The following VDAC1 variants were observed in gnomAD, a reference collection of about 807,000 sequenced individuals.
The protein encoded by VDAC1 is voltage dependent anion channel 1.
Under a neutral mutation model 34.7 loss-of-function variants are expected in VDAC1, and 10 were observed. That is an observed-to-expected ratio of 0.29 (90% confidence interval 0.18 to 0.49). VDAC1 has a LOEUF of 0.49. VDAC1 is among the 20% of genes least tolerant of loss of function. The pLI is 0.99. For synonymous variants in VDAC1, 130 were observed against 136.0 expected (o/e 0.96, Z 0.30); for missense variants, 230 against 347.9 (o/e 0.66, Z 2.69).
chr5:134,063,963 G>C, the VDAC1 span, among the ~76,000 whole-genome samples: 1 of 149,280 alleles, frequency 6.7e-6, no homozygotes. Context: ...CTCCCCAGTA[G>C]CTGAGACTAC....
At chr5:134,034,211 T>A in the VDAC1 span, among the ~76,000 whole-genome samples, 2 of 151,990 alleles carry the variant, frequency 1.3e-5, no homozygotes, top group African/African-American at 2.4e-5. Flanking sequence ...ACTCTACACA[T>A]ATATGTTAGT....
At chr5:134,107,150 G>A in the VDAC1 span, among the ~76,000 whole-genome samples, 1 of 152,242 alleles carries the variant, frequency 6.6e-6, no homozygotes, top group South Asian at 2.1e-4. Flanking sequence ...AGAGCCTGCA[G>A]CTGGTCAGAT....
At chr5:133,973,553 G>A (rs1752376301) in intron 8 of VDAC1, among the ~76,000 whole-genome samples, 2 of 152,186 alleles carry the variant, frequency 1.3e-5, no homozygotes, top group African/African-American at 4.8e-5. Flanking sequence ...GAAGAAAATA[G>A]CAAAGAATAT....
intron 5 of VDAC1, among the ~76,000 whole-genome samples, chr5:133,981,540 A>G (rs1368986411): frequency 6.6e-6 from 1 of 152,194 alleles, no homozygotes; most frequent in African/African-American, 2.4e-5. Flanking sequence ...ACTGATGTAG[A>G]ACCTGGAACT....
At chr5:134,097,556 G>A in the VDAC1 span, among the ~76,000 whole-genome samples, 1 of 152,230 alleles carries the variant, frequency 6.6e-6, no homozygotes. Flanking sequence ...CAGGCGTAGG[G>A]GAGCCTCTTC....
the VDAC1 span, among the ~76,000 whole-genome samples, chr5:134,083,470 A>G: frequency 2.6e-5 from 4 of 152,156 alleles, no homozygotes; most frequent in African/African-American, 9.7e-5. Context: ...GATTACAGGC[A>G]TGAGCCACTG....
the VDAC1 span, among the ~76,000 whole-genome samples, chr5:134,089,425 G>A: frequency 3.7e-4 from 57 of 152,332 alleles, no homozygotes; most frequent in Admixed American, 5.9e-4. Flanking sequence ...ATCCAATGTG[G>A]TTCCCATTTG....
chr5:134,067,021 T>C, the VDAC1 span, among the ~76,000 whole-genome samples: 5 of 152,140 alleles, frequency 3.3e-5, no homozygotes, highest in African/African-American at 1.2e-4. Flanking sequence ...GTTTATAATG[T>C]GTTTTCTTTG....
the VDAC1 span, among the ~76,000 whole-genome samples, chr5:134,033,718 T>G: frequency 5.5e-5 from 8 of 145,590 alleles, no homozygotes; most frequent in African/African-American, 2.0e-4. Context: ...ATAGGCCGGG[T>G]GCGATGGCTC....
chr5:134,063,105 T>C, the VDAC1 span, among the ~76,000 whole-genome samples: 1 of 152,238 alleles, frequency 6.6e-6, no homozygotes, highest in Non-Finnish European at 1.5e-5. Context: ...GTTTCAAAGA[T>C]GGTGAACAGA....
At chr5:134,088,756 C>T in the VDAC1 span, among the ~76,000 whole-genome samples, 2 of 152,170 alleles carry the variant, frequency 1.3e-5, 1 homozygote, top group Non-Finnish European at 2.9e-5. Flanking sequence ...TTCCCCCTTG[C>T]TCCTCACTGA....
intron 5 of VDAC1, among the ~76,000 whole-genome samples, chr5:133,988,022 C>G (rs1227232280): frequency 6.6e-6 from 1 of 152,150 alleles, no homozygotes; most frequent in East Asian, 1.9e-4. Context: ...TCAAAAGTGT[C>G]AGAGTCAGAA....
intron 6 of VDAC1, among the ~76,000 whole-genome samples, chr5:133,976,648 G>GAAA (rs540783930): frequency 7.2e-6 from 1 of 138,992 alleles, no homozygotes. Context: ...TCTCTATAAG[G>GAAA]AAAAAAAAAA....
At chr5:134,114,126 T>C in the VDAC1 span, among the ~76,000 whole-genome samples, 2 of 151,756 alleles carry the variant, frequency 1.3e-5, no homozygotes, top group African/African-American at 2.4e-5. Context: ...CGAAGGGGGG[T>C]ATACTTATGT....
chr5:134,084,198 C>A, the VDAC1 span, among the ~76,000 whole-genome samples: 1 of 152,134 alleles, frequency 6.6e-6, no homozygotes, highest in Non-Finnish European at 1.5e-5. Context: ...ATGAGAGGAT[C>A]CCAAGAAAGG....
chr5:134,084,541 A>G, the VDAC1 span, among the ~76,000 whole-genome samples: 1 of 152,210 alleles, frequency 6.6e-6, no homozygotes, highest in Non-Finnish European at 1.5e-5. Context: ...GGCTGCCCAC[A>G]AGACAGTGGT....
chr5:134,068,971 T>C, the VDAC1 span, among the ~76,000 whole-genome samples: 1 of 42,226 alleles, frequency 2.4e-5, no homozygotes, highest in East Asian at 6.6e-4. Context: ...GGTGACTGTG[T>C]GTGTGTGTGT....
chr5:134,085,468 C>T, the VDAC1 span, among the ~76,000 whole-genome samples: 12 of 151,978 alleles, frequency 7.9e-5, no homozygotes, highest in African/African-American at 2.9e-4. Context: ...ATTATGGGAC[C>T]TCCTCCAGAA....
At chr5:133,990,760 G>T in intron 5 of VDAC1, 95 bp downstream of exon 5, 1 of 1,418,244 alleles carries the variant, frequency 7.1e-7, no homozygotes, top group Non-Finnish European at 9.5e-7. Context: ...CATATTTTAG[G>T]TGCTGTCAGC....
Sources: allele counts gnomAD v4.1 joint callset (sites outside exome capture counted in the v4.1 genomes callset), GRCh38; gene constraint gnomAD v4.1.1; transcripts MANE v1.5; gene names NCBI Gene and HGNC (gene_info 2026-07-23, HGNC 2026-07-21).